The following CUBN variants were observed in gnomAD, a reference collection of about 807,000 sequenced individuals.
CUBN encodes the protein 460 kDa receptor.
A neutral mutation model predicts 405.3 loss-of-function variants in CUBN; 282 were observed. That is an observed-to-expected ratio of 0.70 (90% CI 0.63 to 0.77). The LOEUF is 0.77. CUBN is among the 30% of genes least tolerant of loss of function. The probability of loss-of-function intolerance (pLI) is 0.00; values close to 1 mark genes in which losing one functional copy is unlikely to be tolerated. For synonymous variants in CUBN, 1,684 were observed against 1,617.0 expected, an observed-to-expected ratio of 1.04 and a Z score of -0.99; for missense variants, 4,514 against 4,475.2, an observed-to-expected ratio of 1.01 and a Z score of -0.25.
At chr10:17,004,163 C>A (rs1588571422) in intron 28 of CUBN, among the ~76,000 whole-genome samples, 1 of 152,290 alleles carries the variant, frequency 6.6e-6, no homozygotes, top group East Asian at 1.9e-4. Context: ...AGATTTTCCC[C>A]AATGACTTCC....
chr10:17,000,656 G>A (rs1180887051), intron 28 of CUBN, among the ~76,000 whole-genome samples: 1 of 152,112 alleles, frequency 6.6e-6, no homozygotes, highest in East Asian at 1.9e-4. Context: ...AAAGCTGTGG[G>A]GAAAAAATAT....
rs2131293055 is a variant in CUBN, at chr10:16,824,920, G to C, written c.*55C>G. 3 of 1,220,424 alleles carry C rather than the reference G, an allele frequency of 2.5e-6. No individual in the cohort carries two copies. Among genetic ancestry groups the C allele is most frequent in the Non-Finnish European group, 3.6e-6 (3 of 824,082 alleles). The allele number at this position is 1,220,424 out of a possible 1,614,324, so 75.6% of individuals were successfully genotyped here. A position where few individuals can be genotyped will look rare whatever the true frequency, so the allele number is the denominator to read the frequency against. ...GGGTCATGTATCAGGATGGCAGAGTGCTGTCCAGCGTGCTGCAGAGGGAAA... is the reference window on the plus strand; with the variant it reads ...GGGTCATGTATCAGGATGGCAGAGTCCTGTCCAGCGTGCTGCAGAGGGAAA... On this transcript the variant is annotated 3_prime_UTR_variant, in exon 67 of 67. Coordinates refer to ENST00000377833, the MANE Select transcript of CUBN (RefSeq NM_001081.4).
chr10:16,977,246 A>G (rs1278864725), intron 31 of CUBN, among the ~76,000 whole-genome samples: 7 of 152,192 alleles, frequency 4.6e-5, no homozygotes, highest in Admixed American at 6.5e-5. Context: ...AAATGGGAAC[A>G]GGCATTCCTG....
intron 22 of CUBN, among the ~76,000 whole-genome samples, chr10:17,062,405 T>C (rs890628738): frequency 6.6e-6 from 1 of 152,260 alleles, no homozygotes; most frequent in Non-Finnish European, 1.5e-5. Context: ...AATTTTACTT[T>C]AAATTGATAA....
chr10:16,889,935 CA>C (rs1554788544), intron 55 of CUBN, among the ~76,000 whole-genome samples: 1,448 of 19,898 alleles, frequency 0.073, 196 homozygotes, highest in African/African-American at 0.28. Context: ...GACGCCGTGT[CA>C]AAAAAAAAAA....
At chr10:16,871,895 T>G (rs1475792915) in intron 58 of CUBN, among the ~76,000 whole-genome samples, 2 of 152,148 alleles carry the variant, frequency 1.3e-5, no homozygotes, top group African/African-American at 2.4e-5. Flanking sequence ...TTTCCTAGAA[T>G]GTAGGCTCTT....
At chr10:16,852,233 A>C (rs1476532568) in intron 59 of CUBN, among the ~76,000 whole-genome samples, 25 of 38,330 alleles carry the variant, frequency 6.5e-4, no homozygotes, top group South Asian at 9.3e-4. Context: ...CCCTCCCTCC[A>C]TCTTTCCATC....
intron 28 of CUBN, among the ~76,000 whole-genome samples, chr10:16,998,380 T>C (rs937862279): frequency 9.9e-5 from 15 of 152,220 alleles, no homozygotes; most frequent in South Asian, 2.1e-4. Flanking sequence ...ATTGGAGTTA[T>C]GCATCTACAA....
intron 31 of CUBN, among the ~76,000 whole-genome samples, chr10:16,966,847 C>T (rs1218583674): frequency 1.3e-5 from 2 of 152,146 alleles, no homozygotes; most frequent in African/African-American, 2.4e-5. Flanking sequence ...AAGAATAAGA[C>T]ATTTAGGGCA....
intron 39 of CUBN, among the ~76,000 whole-genome samples, chr10:16,934,046 G>A (rs980073316): frequency 4.6e-5 from 7 of 152,160 alleles, no homozygotes; most frequent in Admixed American, 1.3e-4. Flanking sequence ...GAGGAGATGC[G>A]CTGTTTTCTG....
intron 28 of CUBN, among the ~76,000 whole-genome samples, chr10:17,016,112 C>T (rs1834320829): frequency 6.6e-6 from 1 of 152,074 alleles, no homozygotes; most frequent in Non-Finnish European, 1.5e-5. Context: ...GATCAATTGA[C>T]CCTCGAGTGA....
chr10:17,055,975 T>G (rs918259244), intron 22 of CUBN, among the ~76,000 whole-genome samples: 1 of 152,120 alleles, frequency 6.6e-6, no homozygotes, highest in African/African-American at 2.4e-5. Context: ...GAAAAATAAG[T>G]ACCAATCTAG....
chr10:17,111,091 A>G, intron 8 of CUBN, 41 bp from the exon 9 acceptor site: 1 of 1,609,464 alleles, frequency 6.2e-7, no homozygotes, highest in Non-Finnish European at 8.5e-7. Context: ...CTCTATAGAC[A>G]AGTCAACAAG....
At chr10:16,850,055 A>G (rs995227855) in intron 60 of CUBN, among the ~76,000 whole-genome samples, 16 of 152,166 alleles carry the variant, frequency 1.1e-4, no homozygotes, top group Non-Finnish European at 2.9e-5. Context: ...ATCAATTCCT[A>G]TGCCTTTTTG....
chr10:16,847,325 G>T (rs577323056), intron 60 of CUBN, among the ~76,000 whole-genome samples: 8 of 152,004 alleles, frequency 5.3e-5, no homozygotes, highest in East Asian at 1.9e-4. Flanking sequence ...GGTGGCGGGC[G>T]CCTGTAGTCC....
In CUBN at chr10:17,104,284, A is replaced by C. The variant is rs1836566848; in HGVS notation, c.1417+135T>G. The stretch of plus-strand genomic sequence containing the variant: ...TTGTGAATTTTATACCATTTCTGCA[A>C]GGAAAGACTTAGTTCTCAGTATCTG... On this transcript the variant is annotated intron_variant, in intron 12 of 66. Coordinates refer to ENST00000377833, the MANE Select transcript of CUBN (RefSeq NM_001081.4). 9 of 714,286 alleles carry C rather than the reference A, an allele frequency of 1.3e-5. No individual in the cohort carries two copies. In the Admixed American group the frequency reaches 2.0e-4, roughly 16 times the overall value. The allele number at this position is 714,286 out of a possible 1,614,324, so 44.2% of individuals were successfully genotyped here.
At chr10:17,095,288 A>T (rs1836347437) in intron 14 of CUBN, among the ~76,000 whole-genome samples, 1 of 152,028 alleles carries the variant, frequency 6.6e-6, no homozygotes, top group Admixed American at 6.6e-5. Flanking sequence ...CCTAAAACTG[A>T]AGAACCAATC....
chr10:16,951,713 G>A (rs997929369), intron 33 of CUBN, among the ~76,000 whole-genome samples: 3 of 152,188 alleles, frequency 2.0e-5, no homozygotes, highest in African/African-American at 4.8e-5. Context: ...AAGAAAGTAA[G>A]CGTTTATTCA....
rs755435183 is a variant in CUBN at position 16,939,013 on chromosome 10, A to G, written c.5683T>C (p.Leu1895=). ...TGTATTTCTTCTATGTCCATCTCCA[A>G]GATTCTACCATGGACAACGTGAGAT... ...NASHVVHGRI[L]EMDIEEIQNC... The change falls in exon 38 of 67, where the codon TTG becomes CTG. Residue 1895 remains leucine (L), a synonymous_variant. Coordinates refer to ENST00000377833, the MANE Select transcript of CUBN (RefSeq NM_001081.4). 13 of 1,613,936 alleles carry G rather than the reference A, an allele frequency of 8.1e-6. No homozygotes were observed. In the South Asian group the frequency reaches 1.2e-4, roughly 15 times the overall value.
Sources: allele counts gnomAD v4.1 joint callset (sites outside exome capture counted in the v4.1 genomes callset), GRCh38; gene constraint gnomAD v4.1.1; transcripts MANE v1.5; gene names NCBI Gene and HGNC (gene_info 2026-07-23, HGNC 2026-07-21).